The following DIS3L2 variants were observed in gnomAD, a reference collection of about 807,000 sequenced individuals.
DIS3L2 encodes DIS3 like 3'-5' exoribonuclease 2.
A neutral mutation model predicts 97.5 loss-of-function variants in DIS3L2; 34 were observed. The observed-to-expected ratio is 0.35, with a 90% confidence interval of 0.27 to 0.46. The LOEUF (loss-of-function observed/expected upper bound fraction) is 0.46, where lower values mean the gene tolerates loss of function less well. Ranked by LOEUF, DIS3L2 falls within the 20% of genes least tolerant of loss-of-function variation. The pLI, the probability that DIS3L2 is intolerant of heterozygous loss-of-function variation, is 1.00. For synonymous variants in DIS3L2, 435 were observed against 445.2 expected (o/e 0.98, Z 0.29); for missense variants, 1,038 against 1,146.0 (o/e 0.91, Z 1.36).
chr2:232,074,382 A>G (rs1696123194), intron 5 of DIS3L2, among the ~76,000 whole-genome samples: 1 of 152,136 alleles, frequency 6.6e-6, no homozygotes, highest in African/African-American at 2.4e-5. Context: ...CTTCTTTTAC[A>G]GCTGATTCAA....
chr2:232,321,527 C>G (rs1289594546), intron 14 of DIS3L2, among the ~76,000 whole-genome samples: 1 of 152,114 alleles, frequency 6.6e-6, no homozygotes, highest in African/African-American at 2.4e-5. Context: ...CTGCCCTGCC[C>G]TCCTGACCCG....
At chr2:232,060,497 C>T (rs1318639924) in intron 5 of DIS3L2, among the ~76,000 whole-genome samples, 1 of 151,878 alleles carries the variant, frequency 6.6e-6, no homozygotes, top group Non-Finnish European at 1.5e-5. Context: ...AAAGTGGGTT[C>T]TCTATTCTGT....
chr2:232,332,133 ACCT>A (rs1401718577), intron 16 of DIS3L2, among the ~76,000 whole-genome samples: 1 of 106,008 alleles, frequency 9.4e-6, no homozygotes, highest in Admixed American at 1.2e-4. Context: ...ACCCTGAGCC[ACCT>A]CCACCAGCCA....
chr2:232,014,793 A>G, intron 1 of DIS3L2, 42 bp from the exon 2 acceptor site: 1 of 882,662 alleles, frequency 1.1e-6, no homozygotes, highest in Non-Finnish European at 1.7e-6. Flanking sequence ...AGGAGGCTAC[A>G]GCTTAACCGC....
chr2:232,318,740 TG>T (rs889853750), intron 14 of DIS3L2, among the ~76,000 whole-genome samples: 7 of 152,154 alleles, frequency 4.6e-5, no homozygotes, highest in African/African-American at 1.7e-4. Flanking sequence ...GACAGAGTCA[TG>T]GGACAAGAAC....
intron 12 of DIS3L2, among the ~76,000 whole-genome samples, chr2:232,253,237 TG>T (rs1275962311): frequency 6.6e-6 from 1 of 152,268 alleles, no homozygotes; most frequent in Non-Finnish European, 1.5e-5. Flanking sequence ...TATGAGGTAT[TG>T]GAGTGCAATA....
At chr2:232,146,154 A>C (rs1690212203) in intron 8 of DIS3L2, among the ~76,000 whole-genome samples, 1 of 152,178 alleles carries the variant, frequency 6.6e-6, no homozygotes, top group Non-Finnish European at 1.5e-5. Flanking sequence ...GGATAGAATT[A>C]TGTTGCCTAA....
chr2:232,278,617 G>A (rs1197761483), intron 13 of DIS3L2, among the ~76,000 whole-genome samples: 1 of 152,126 alleles, frequency 6.6e-6, no homozygotes, highest in African/African-American at 2.4e-5. Context: ...TGCATTTGAG[G>A]GTCGTCCATG....
intron 11 of DIS3L2, among the ~76,000 whole-genome samples, chr2:232,240,429 G>A (rs1319965804): frequency 6.6e-6 from 1 of 152,206 alleles, no homozygotes; most frequent in Non-Finnish European, 1.5e-5. Context: ...GAAGCTGTGT[G>A]ATCATCAAAA....
intron 9 of DIS3L2, among the ~76,000 whole-genome samples, chr2:232,190,066 G>A (rs1402653918): frequency 6.6e-6 from 1 of 152,228 alleles, no homozygotes; most frequent in East Asian, 1.9e-4. Context: ...GTGGCTCAAC[G>A]CCTGTAATCT....
At chr2:232,005,736 C>T (rs1331277731) in intron 1 of DIS3L2, among the ~76,000 whole-genome samples, 1 of 152,134 alleles carries the variant, frequency 6.6e-6, no homozygotes, top group Non-Finnish European at 1.5e-5. Context: ...GTTTTTAAGT[C>T]ATTTTTCTGG....
intron 14 of DIS3L2, among the ~76,000 whole-genome samples, chr2:232,324,188 C>T (rs1301876606): frequency 2.0e-5 from 3 of 152,256 alleles, no homozygotes; most frequent in African/African-American, 7.2e-5. Flanking sequence ...GGCCCAGCAG[C>T]TGCCTTCATG....
intron 5 of DIS3L2, among the ~76,000 whole-genome samples, chr2:232,042,343 C>T (rs1695132320): frequency 6.6e-6 from 1 of 151,656 alleles, no homozygotes; most frequent in African/African-American, 2.4e-5. Flanking sequence ...ACCCATCATA[C>T]TAGATTATAT....
intron 13 of DIS3L2, among the ~76,000 whole-genome samples, chr2:232,285,738 A>G (rs1163627385): frequency 6.6e-6 from 1 of 152,066 alleles, no homozygotes; most frequent in Non-Finnish European, 1.5e-5. Context: ...CAGTTCCCTC[A>G]CCTTTAAGAT....
At chr2:232,065,657 G>A (rs1695835027) in intron 5 of DIS3L2, among the ~76,000 whole-genome samples, 2 of 151,798 alleles carry the variant, frequency 1.3e-5, no homozygotes, top group South Asian at 4.2e-4. Context: ...TGACTCTTTG[G>A]GCTCCTGTGT....
At chr2:232,204,887 G>A (rs185743766) in intron 9 of DIS3L2, among the ~76,000 whole-genome samples, 116 of 152,260 alleles carry the variant, frequency 7.6e-4, no homozygotes, top group South Asian at 1.9e-3. Flanking sequence ...TGGCAGGCTC[G>A]TAATTGCGGT....
intron 3 of DIS3L2, among the ~76,000 whole-genome samples, chr2:232,018,359 A>G (rs866741347): frequency 6.6e-6 from 1 of 152,218 alleles, no homozygotes. Context: ...CTCTGCAGCC[A>G]GGGCCTCCCC....
chr2:232,089,085 G>A (rs571006492), intron 6 of DIS3L2, among the ~76,000 whole-genome samples: 2 of 152,340 alleles, frequency 1.3e-5, no homozygotes, highest in African/African-American at 4.8e-5. Flanking sequence ...AAAGAAAGCC[G>A]AAGGTATCTT....
At chr2:231,990,431 A>G (rs2106190310) in intron 1 of DIS3L2, among the ~76,000 whole-genome samples, 1 of 152,330 alleles carries the variant, frequency 6.6e-6, no homozygotes, top group Non-Finnish European at 1.5e-5. Context: ...TTGATACGAA[A>G]GTCTTTAAAG....
Sources: allele counts gnomAD v4.1 joint callset (sites outside exome capture counted in the v4.1 genomes callset), GRCh38; gene constraint gnomAD v4.1.1; transcripts MANE v1.5; gene names NCBI Gene and HGNC (gene_info 2026-07-23, HGNC 2026-07-21).